The following ADGRG6 variants were observed in gnomAD, a reference collection of about 807,000 sequenced individuals.
The protein encoded by ADGRG6 is adhesion G protein-coupled receptor G6, also known as G-protein coupled receptor 126.
ADGRG6 carries 84 observed loss-of-function variants against 142.4 expected under a neutral mutation model. That is an observed-to-expected ratio of 0.59 (90% confidence interval 0.49 to 0.71). ADGRG6 has a LOEUF of 0.71. Ranked by LOEUF, ADGRG6 falls within the 30% of genes least tolerant of loss-of-function variation. The pLI is 0.00. For missense variants in ADGRG6, 1,367 were observed against 1,466.6 expected (o/e 0.93, Z 1.11); for synonymous variants, 521 against 520.5 (o/e 1.00, Z -0.01).
chr6:142,346,637 A>C (rs1260169423), intron 2 of ADGRG6, among the ~76,000 whole-genome samples: 1 of 152,178 alleles, frequency 6.6e-6, no homozygotes, highest in Non-Finnish European at 1.5e-5. Flanking sequence ...AATGCCCATC[A>C]ATGATAGAAT....
At chr6:142,335,735 G>A (rs1490372949) in intron 2 of ADGRG6, among the ~76,000 whole-genome samples, 4 of 152,076 alleles carry the variant, frequency 2.6e-5, no homozygotes, top group Admixed American at 6.6e-5. Flanking sequence ...TCTCTGAGCT[G>A]AACTATAGAC....
At chr6:142,364,343 A>G (rs1266209118) in intron 2 of ADGRG6, among the ~76,000 whole-genome samples, 1 of 152,210 alleles carries the variant, frequency 6.6e-6, no homozygotes, top group Admixed American at 6.5e-5. Context: ...AGGTAAGAAT[A>G]ATATGGAAGA....
rs569471471 is a variant in ADGRG6 at position 142,314,860 on chromosome 6, C to A, written c.103+5216C>A. On this transcript the variant is annotated intron_variant, in intron 2 of 24. Coordinates refer to ENST00000367609, the MANE Select transcript of ADGRG6 (RefSeq NM_198569.3). ...ATTAATTGTCCAAAGATAAACCTAG[C>A]TGTCCTTCAAATTCCCCTATCACTA... 1.2e-3 allele frequency among the ~76,000 whole-genome samples: 190 copies of A among 152,178 alleles called. 1 individual carries two copies. Among genetic ancestry groups the A allele is most frequent in the African/African-American group, 4.4e-3 (183 of 41,522 alleles).
chr6:142,394,604 CAG>C (rs1331479706), intron 9 of ADGRG6, among the ~76,000 whole-genome samples: 1 of 133,230 alleles, frequency 7.5e-6, no homozygotes, highest in Admixed American at 7.9e-5. Flanking sequence ...TTTTTTGAGA[CAG>C]AGTCTCACTT....
At chr6:142,364,524 A>G (rs77160035) in intron 2 of ADGRG6, among the ~76,000 whole-genome samples, 1,801 of 152,330 alleles carry the variant, frequency 0.012, 39 homozygotes, top group African/African-American at 0.04. Flanking sequence ...ATAATAGCCA[A>G]CACTTAACTA....
At chr6:142,304,263 C>G (rs889403755) in intron 1 of ADGRG6, among the ~76,000 whole-genome samples, 1 of 152,160 alleles carries the variant, frequency 6.6e-6, no homozygotes, top group African/African-American at 2.4e-5. Flanking sequence ...TCTGCCTCCT[C>G]CTTGTGGAGA....
At chr6:142,429,100 A>C (rs374408818) in intron 22 of ADGRG6, among the ~76,000 whole-genome samples, 6 of 152,198 alleles carry the variant, frequency 3.9e-5, no homozygotes, top group African/African-American at 1.4e-4. Context: ...TCCATTCAAA[A>C]AAGAGCTGTT....
intron 11 of ADGRG6, chr6:142,400,909 C>T (rs940935331): frequency 4.0e-5 from 8 of 198,388 alleles, no homozygotes; most frequent in African/African-American, 1.4e-4. Context: ...TTGGAACATG[C>T]GTCTGGAATT....
chr6:142,433,771 C>T (rs1777334820), intron 22 of ADGRG6, among the ~76,000 whole-genome samples: 1 of 152,160 alleles, frequency 6.6e-6, no homozygotes, highest in African/African-American at 2.4e-5. Flanking sequence ...ATTAGAACTT[C>T]CCAGCCAGTC....
At chr6:142,350,742 A>G (rs1040956705) in intron 2 of ADGRG6, among the ~76,000 whole-genome samples, 10 of 152,208 alleles carry the variant, frequency 6.6e-5, no homozygotes, top group African/African-American at 1.9e-4. Flanking sequence ...CAAATTGATC[A>G]GTTCTTCTAC....
chr6:142,351,850 A>G (rs997952035), intron 2 of ADGRG6, among the ~76,000 whole-genome samples: 1 of 152,214 alleles, frequency 6.6e-6, no homozygotes, highest in East Asian at 1.9e-4. Context: ...TGGCAAGCAA[A>G]AAACAACCCC....
At chr6:142,414,288 G>C (rs547074520) in intron 18 of ADGRG6, among the ~76,000 whole-genome samples, 1 of 152,098 alleles carries the variant, frequency 6.6e-6, no homozygotes, top group Admixed American at 6.6e-5. Flanking sequence ...ACACTGGAAA[G>C]TATTTACTTC....
chr6:142,445,614 T>TC lies in ADGRG6; in HGVS notation c.*2100dup, dbSNP rs1454793362. The TC allele has an allele frequency of 6.6e-6, 1 of 152,160 alleles. No individual in the cohort carries two copies. Among genetic ancestry groups the TC allele is most frequent in the Non-Finnish European group, 1.5e-5 (1 of 68,018 alleles). The allele number at this position is 152,160 out of a possible 1,614,324, so 9.4% of individuals were successfully genotyped here. A position where few individuals can be genotyped will look rare whatever the true frequency, so the allele number is the denominator to read the frequency against. ...AATGTCAGCTCCACTTTAGAAATTT[T>TC]CAATAACCAGATGAGAAAAAAATTA... On this transcript the variant is annotated 3_prime_UTR_variant, in exon 25 of 25. Coordinates refer to ENST00000367609, the MANE Select transcript of ADGRG6 (RefSeq NM_198569.3).
At chr6:142,395,878 C>A (rs1775162685) in intron 9 of ADGRG6, among the ~76,000 whole-genome samples, 1 of 152,012 alleles carries the variant, frequency 6.6e-6, no homozygotes. Flanking sequence ...TTAACACAGA[C>A]CATAGCTTCA....
chr6:142,310,294 T>C (rs1439602113), intron 2 of ADGRG6, among the ~76,000 whole-genome samples: 1 of 151,884 alleles, frequency 6.6e-6, no homozygotes, highest in Non-Finnish European at 1.5e-5. Context: ...CTGAGGAATG[T>C]GAATGATATC....
At position 142,302,489 on chromosome 6, in the gene ADGRG6, G is replaced by C. The variant is rs1159890794; in HGVS notation, c.2+158G>C. On this transcript the variant is annotated intron_variant, in intron 1 of 24. Coordinates refer to ENST00000367609, the MANE Select transcript of ADGRG6 (RefSeq NM_198569.3). ...CCGGTTTGTCTTCAGTTTGCCCCTC[G>C]AGGCACTGAGGAGTAGGACTATTGC... 6 of 687,010 alleles carry C rather than the reference G, an allele frequency of 8.7e-6. No individual in the cohort carries two copies. The East Asian group carries it at 1.7e-4, about 20-fold the overall frequency. The allele number at this position is 687,010 out of a possible 1,614,324, so 42.6% of individuals were successfully genotyped here. A position where few individuals can be genotyped will look rare whatever the true frequency, so the allele number is the denominator to read the frequency against.
chr6:142,341,778 CCTT>C (rs1252855290), intron 2 of ADGRG6, among the ~76,000 whole-genome samples: 1 of 149,128 alleles, frequency 6.7e-6, no homozygotes, highest in Non-Finnish European at 1.5e-5. Flanking sequence ...TTTTACCTCT[CCTT>C]CTAAATTGTA....
Position 142,405,715 on chromosome 6 carries a change from C to A in ADGRG6, c.2155C>A (p.Pro719Thr), listed in dbSNP as rs1775770263. 1.2e-6 allele frequency: 2 copies of A among 1,608,660 alleles called. No individual in the cohort carries two copies. Among genetic ancestry groups the A allele is most frequent in the Non-Finnish European group, 1.7e-6 (2 of 1,175,902 alleles). The change falls in exon 15 of 25, where the codon CCA becomes ACA. Residue 719 changes from proline (P) to threonine (T), a missense_variant. This residue lies in a region of ADGRG6 where 286 missense variants were observed against 371.4 expected (regional missense o/e 0.77). Coordinates refer to ENST00000367609, the MANE Select transcript of ADGRG6 (RefSeq NM_198569.3). ...GGATTTTGAGAGTGGACAAGTGGATCCACTGGCATCTGTAATTTTGCCTCC... is the reference window on the plus strand; with the variant it reads ...GGATTTTGAGAGTGGACAAGTGGATACACTGGCATCTGTAATTTTGCCTCC... ...QMDFESGQVD[P>T]LASVILPPNL...
In ADGRG6 at chr6:142,417,380, A is replaced by G. The variant is rs1054175371; in HGVS notation, c.3035+11A>G. 1 of 1,308,684 alleles carries G rather than the reference A, an allele frequency of 7.6e-7. No homozygotes were observed. The highest frequency in any genetic ancestry group is 1.8e-5 in the Admixed American group (1 of 56,376). 81.1% of individuals were successfully genotyped at this position (1,308,684 alleles called of 1,614,324 possible). On this transcript the variant is annotated intron_variant, in intron 21 of 24. Coordinates refer to ENST00000367609, the MANE Select transcript of ADGRG6 (RefSeq NM_198569.3). ...AAAAGGTGATGAATTGTAAGTAATAAAAACTTTTTGTGATGAGTAGATATC... is the reference window on the plus strand; with the variant it reads ...AAAAGGTGATGAATTGTAAGTAATAGAAACTTTTTGTGATGAGTAGATATC...
Sources: allele counts gnomAD v4.1 joint callset (sites outside exome capture counted in the v4.1 genomes callset), GRCh38; gene constraint gnomAD v4.1.1; regional missense constraint gnomAD v4.1.1; transcripts MANE v1.5; gene names NCBI Gene and HGNC (gene_info 2026-07-23, HGNC 2026-07-21).